PRIMA1: variants seen among roughly 807,000 people sequenced by gnomAD.
The protein encoded by PRIMA1 is proline rich membrane anchor 1.
In PRIMA1, 7 loss-of-function variants were observed where a neutral mutation model predicts 17.5. That is an observed-to-expected ratio of 0.40 (90% CI 0.23 to 0.75). PRIMA1 has a LOEUF of 0.75. Among genes scored for constraint, PRIMA1 ranks in the 30% least tolerant of loss-of-function variants. The pLI is 0.37. For missense variants in PRIMA1, 200 were observed against 201.8 expected (o/e 0.99, Z 0.05); for synonymous variants, 97 against 77.9 (o/e 1.25, Z -1.29).
At chr14:93,782,422 C>T (rs1488763803) in intron 2 of PRIMA1, among the ~76,000 whole-genome samples, 4 of 152,200 alleles carry the variant, frequency 2.6e-5, no homozygotes, top group South Asian at 2.1e-4. Flanking sequence ...GGTTCAACAT[C>T]AGCCTGGGCA....
intron 3 of PRIMA1, among the ~76,000 whole-genome samples, chr14:93,777,814 G>A (rs144045810): frequency 1.2e-4 from 18 of 152,308 alleles, no homozygotes; most frequent in African/African-American, 3.6e-4. Flanking sequence ...GGGCCAGGAC[G>A]GTCCTTCTCC....
intron 2 of PRIMA1, among the ~76,000 whole-genome samples, chr14:93,782,160 C>A (rs12147927): frequency 1.3e-5 from 2 of 151,942 alleles, no homozygotes; most frequent in African/African-American, 4.8e-5. Context: ...CCCAGCTACT[C>A]GGGAGGCTGA....
chr14:93,769,411 C>A (rs1026926413), intron 3 of PRIMA1, among the ~76,000 whole-genome samples: 1 of 152,184 alleles, frequency 6.6e-6, no homozygotes, highest in Non-Finnish European at 1.5e-5. Flanking sequence ...GCAGACCAGG[C>A]AAGTGGATCA....
At chr14:93,783,393 A>T (rs1885437295) in intron 2 of PRIMA1, among the ~76,000 whole-genome samples, 1 of 152,230 alleles carries the variant, frequency 6.6e-6, no homozygotes, top group Non-Finnish European at 1.5e-5. Context: ...CAGTGGGGAA[A>T]CACAGGATCT....
chr14:93,772,829 C>T (rs571508219), intron 3 of PRIMA1, among the ~76,000 whole-genome samples: 1 of 152,326 alleles, frequency 6.6e-6, no homozygotes, highest in South Asian at 2.1e-4. Flanking sequence ...ATGCTCCTAT[C>T]TCAGCAGAGA....
intron 3 of PRIMA1, among the ~76,000 whole-genome samples, chr14:93,758,188 A>G (rs904641349): frequency 3.9e-5 from 6 of 152,182 alleles, no homozygotes; most frequent in African/African-American, 1.4e-4. Flanking sequence ...GGAACCAACC[A>G]AAGACAGGAT....
intron 3 of PRIMA1, among the ~76,000 whole-genome samples, chr14:93,768,193 T>C (rs1191364314): frequency 6.6e-6 from 1 of 152,070 alleles, no homozygotes; most frequent in Non-Finnish European, 1.5e-5. Flanking sequence ...ACCTCAATGT[T>C]CAGTCCAGAC....
At chr14:93,740,342 T>C (rs1340813277) in intron 3 of PRIMA1, among the ~76,000 whole-genome samples, 1 of 152,246 alleles carries the variant, frequency 6.6e-6, no homozygotes, top group Non-Finnish European at 1.5e-5. Flanking sequence ...ATTCCTCACC[T>C]TGGGGTATCC....
intron 4 of PRIMA1, among the ~76,000 whole-genome samples, chr14:93,723,551 G>C (rs896275660): frequency 2.6e-5 from 4 of 152,198 alleles, no homozygotes; most frequent in Admixed American, 2.6e-4. Flanking sequence ...TGCAGCAGAA[G>C]TAGCTCAAAA....
intron 2 of PRIMA1, among the ~76,000 whole-genome samples, chr14:93,782,251 G>A (rs946768223): frequency 1.3e-5 from 2 of 152,002 alleles, no homozygotes; most frequent in Non-Finnish European, 2.9e-5. Flanking sequence ...CTGGGCGACA[G>A]AGCAAGACTC....
At chr14:93,787,122 C>T (rs1188427375) in intron 2 of PRIMA1, among the ~76,000 whole-genome samples, 2 of 152,122 alleles carry the variant, frequency 1.3e-5, no homozygotes, top group Non-Finnish European at 2.9e-5. Flanking sequence ...TTAAGGGACC[C>T]AGGGTGAGAG....
chr14:93,745,635 C>T (rs1484135286), intron 3 of PRIMA1, among the ~76,000 whole-genome samples: 5 of 152,222 alleles, frequency 3.3e-5, no homozygotes, highest in African/African-American at 1.2e-4. Context: ...TGAGTGGCCA[C>T]ATCCTGTGGC....
chr14:93,782,279 A>ATACATAC (rs1225135581), intron 2 of PRIMA1, among the ~76,000 whole-genome samples: 30,847 of 150,222 alleles, frequency 0.21, 3,660 homozygotes, highest in Middle Eastern at 0.34. Flanking sequence ...AAAATAAATA[A>ATACATAC]ATAAATAAAT....
intron 3 of PRIMA1, among the ~76,000 whole-genome samples, chr14:93,747,863 G>GAC (rs1273240382): frequency 6.7e-6 from 1 of 149,984 alleles, no homozygotes; most frequent in Non-Finnish European, 1.5e-5. Flanking sequence ...ATGAGTGTGT[G>GAC]TGAGTGGGGA....
chr14:93,742,617 G>A (rs79897303), intron 3 of PRIMA1, among the ~76,000 whole-genome samples: 209 of 152,240 alleles, frequency 1.4e-3, no homozygotes, highest in African/African-American at 4.5e-3. Context: ...GGAGGTGGAC[G>A]TGTGGACCCA....
intron 3 of PRIMA1, among the ~76,000 whole-genome samples, chr14:93,775,338 C>T (rs950621745): frequency 2.6e-5 from 4 of 152,238 alleles, no homozygotes; most frequent in Non-Finnish European, 4.4e-5. Context: ...TGCTGGTTCC[C>T]GGGCCCTGGC....
At chr14:93,728,329 G>A (rs568645797) in intron 4 of PRIMA1, among the ~76,000 whole-genome samples, 16 of 152,340 alleles carry the variant, frequency 1.1e-4, no homozygotes, top group East Asian at 3.9e-4. Flanking sequence ...ACCAGGCGTC[G>A]AGGGAGAGAA....
At chr14:93,776,322 C>T (rs1378688975) in intron 3 of PRIMA1, among the ~76,000 whole-genome samples, 1 of 152,192 alleles carries the variant, frequency 6.6e-6, no homozygotes, top group East Asian at 1.9e-4. Flanking sequence ...AGAAAAAGTC[C>T]TGCCATACAG....
chr14:93,764,476 A>G (rs984404131), intron 3 of PRIMA1, among the ~76,000 whole-genome samples: 1 of 151,678 alleles, frequency 6.6e-6, no homozygotes, highest in Non-Finnish European at 1.5e-5. Flanking sequence ...TCCACATGAG[A>G]AAAAACAGAA....
Sources: gnomAD v4.1 joint callset for allele counts (sites outside exome capture counted in the v4.1 genomes callset) on GRCh38, gnomAD v4.1.1 for gene constraint, MANE v1.5 for transcripts, NCBI Gene and HGNC (gene_info 2026-07-23, HGNC 2026-07-21) for gene names.